HERC2: variants seen among roughly 807,000 people sequenced by gnomAD.
HERC2 encodes HECT and RLD domain containing E3 ubiquitin protein ligase 2.
Under a neutral mutation model 537.7 loss-of-function variants are expected in HERC2, and 102 were observed. The observed-to-expected ratio is 0.19, with a 90% CI of 0.16 to 0.22. HERC2 has a LOEUF of 0.22. HERC2 is among the 10% of genes least tolerant of loss of function. HERC2 has a pLI of 1.00. For missense variants in HERC2, 4,236 were observed against 6,198.2 expected (o/e 0.68, Z 10.63); for synonymous variants, 2,224 against 2,466.2 (o/e 0.90, Z 2.91).
At chr15:28,200,317 C>A (rs373839310) in intron 48 of HERC2, among the ~76,000 whole-genome samples, 14 of 152,276 alleles carry the variant, frequency 9.2e-5, no homozygotes, top group South Asian at 6.2e-4. Context: ...ATGGCATGAA[C>A]CCGGGAGGCG....
At chr15:28,186,020 G>C (rs1896275089) in intron 56 of HERC2, among the ~76,000 whole-genome samples, 1 of 152,162 alleles carries the variant, frequency 6.6e-6, no homozygotes, top group Admixed American at 6.5e-5. Context: ...ACAGTCATAA[G>C]ATGAAATACT....
In HERC2 at chr15:28,141,780, C is replaced by A; in HGVS notation, c.11767G>T (p.Asp3923Tyr). 1 of 1,614,192 alleles carries A rather than the reference C, an allele frequency of 6.2e-7. No individual in the cohort carries two copies. Among genetic ancestry groups the A allele is most frequent in the Non-Finnish European group, 8.5e-7 (1 of 1,180,034 alleles). Reference sequence around the variant, plus strand: ...TCGTCTTGCTCTCTTTTAAAAATGTCATGGCTCTCATGCAGAACATCCATG... The same window carrying A: ...TCGTCTTGCTCTCTTTTAAAAATGTAATGGCTCTCATGCAGAACATCCATG... ...ENMDVLHESH[D>Y]IFKREQDEQL... Residue 3923 changes from aspartate (D) to tyrosine (Y), a missense_variant, in exon 77 of 93, where the codon GAC becomes TAC. Asp to Tyr is a radical substitution (Grantham distance 160, BLOSUM62 -3). This residue lies in a region of HERC2 where 156 missense variants were observed against 172.3 expected (regional missense o/e 0.91). Transcript: ENST00000261609.
intron 70 of HERC2, among the ~76,000 whole-genome samples, chr15:28,149,735 A>G (rs1892205923): frequency 6.6e-6 from 1 of 152,086 alleles, no homozygotes; most frequent in African/African-American, 2.4e-5. Context: ...AAAATTACCG[A>G]AAAAACACAC....
At position 28,233,481 on chromosome 15, in the gene HERC2, C is replaced by T. The variant is rs1440885030; in HGVS notation, c.4432G>A (p.Val1478Met). 3 of 1,474,134 alleles carry T rather than the reference C, an allele frequency of 2.0e-6. No homozygotes were observed. Among genetic ancestry groups the T allele is most frequent in the African/African-American group, 1.4e-5 (1 of 71,836 alleles). The allele number at this position is 1,474,134 out of a possible 1,614,324, so 91.3% of individuals were successfully genotyped here. The change falls in exon 29 of 93, where the codon GTG becomes ATG. Residue 1478 changes from valine to methionine, a missense_variant. By Grantham distance (21) the Val-to-Met change is conservative (BLOSUM62 1). Around this residue, in one of 27 missense-constraint regions of HERC2, gnomAD observed 94 missense variants for 174.9 expected, o/e 0.54. Transcript: ENST00000261609. ...VKHRTLPKSV[V>M]DVCRVVYQAK... ...TGGTAGACAACTCTACAAACATCCA[C>T]CACTGACTTAGGCAACGTTCTGTGC...
chr15:28,157,337 A>G (rs1893112060), intron 69 of HERC2, among the ~76,000 whole-genome samples: 1 of 152,124 alleles, frequency 6.6e-6, no homozygotes, highest in African/African-American at 2.4e-5. Context: ...TCCTCTTTGT[A>G]CCTCTGACAG....
At chr15:28,150,762 A>G (rs1892368346) in intron 70 of HERC2, among the ~76,000 whole-genome samples, 1 of 152,200 alleles carries the variant, frequency 6.6e-6, no homozygotes. Flanking sequence ...ACACGAACGT[A>G]TATTCTAGTA....
Position 28,255,907 on chromosome 15 carries a change from A to C in HERC2, c.2836T>G (p.Ser946Ala), listed in dbSNP as rs1000008637. 6.2e-7 allele frequency: 1 copy of C among 1,602,406 alleles called. No homozygotes were observed. The highest frequency in any genetic ancestry group is 8.5e-7 in the Non-Finnish European group (1 of 1,179,804). ...GSLMADGGLE[S>A]ALHAAITAEI... ...GCAGTAATGGCTGCGTGTAAGGCTG[A>C]CTCCAACCCTCCATCAGCCATCAAG... The change falls in exon 19 of 93, where the codon TCA becomes GCA. Residue 946 changes from serine to alanine, a missense_variant. Transcript: ENST00000261609.
In HERC2 at chr15:28,233,090, T is replaced by C. The variant is rs2905961; in HGVS notation, c.4675+56A>G. The C allele has an allele frequency of 5.7e-5, 76 of 1,344,762 alleles. No homozygotes were observed. The East Asian group carries it at 8.0e-4, about 14-fold the overall frequency. 83.3% of individuals were successfully genotyped at this position (1,344,762 alleles called of 1,614,324 possible). ...CTTCACTCTGAAATCACAGATCCAATGTGGCAGGGTGAAGCACAAGCTTTA... is the reference window on the plus strand; with the variant it reads ...CTTCACTCTGAAATCACAGATCCAACGTGGCAGGGTGAAGCACAAGCTTTA... On this transcript the variant is annotated intron_variant, in intron 30 of 92. Transcript: ENST00000261609.
chr15:28,300,451 A>T (rs1477799338), intron 2 of HERC2, among the ~76,000 whole-genome samples: 1 of 150,828 alleles, frequency 6.6e-6, no homozygotes, highest in Non-Finnish European at 1.5e-5. Context: ...ACAATTTTAG[A>T]ACTACTTCAT....
intron 5 of HERC2, among the ~76,000 whole-genome samples, chr15:28,278,831 G>C (rs1342927241): frequency 6.6e-6 from 1 of 151,816 alleles, no homozygotes; most frequent in African/African-American, 2.4e-5. Flanking sequence ...AGTTTCATCT[G>C]GCAGTCTTGT....
At chr15:28,269,204 G>A (rs1443830767) in intron 11 of HERC2, 44 bp downstream of exon 11, 4 of 1,533,672 alleles carry the variant, frequency 2.6e-6, no homozygotes, top group African/African-American at 1.4e-5. Context: ...GACAGACCCT[G>A]CCCCGCAAGG....
chr15:28,201,845 T>C (rs1897941085), intron 47 of HERC2, among the ~76,000 whole-genome samples: 3 of 152,276 alleles, frequency 2.0e-5, no homozygotes, highest in Non-Finnish European at 4.4e-5. Context: ...ATAAAATATC[T>C]TCTAATGGCT....
At chr15:28,253,464 C>T (rs957840696) in intron 20 of HERC2, among the ~76,000 whole-genome samples, 25 of 152,230 alleles carry the variant, frequency 1.6e-4, no homozygotes, top group Admixed American at 8.5e-4. Flanking sequence ...TTACTGCACA[C>T]CGCAATTTCT....
Position 28,200,621 on chromosome 15 carries a change from A to G in HERC2, c.7716+835T>C, listed in dbSNP as rs563565789. ...AATAGACGTCAAAGATCCATCAACC[A>G]AATGTAGATAAGGCATACAATCTTG... On this transcript the variant is annotated intron_variant, in intron 48 of 92. Transcript: ENST00000261609. Among the ~76,000 whole-genome samples, 8 of 152,362 alleles carry G rather than the reference A, an allele frequency of 5.3e-5. No homozygotes were observed. In the East Asian group the frequency reaches 1.5e-3, roughly 29 times the overall value.
intron 45 of HERC2, among the ~76,000 whole-genome samples, chr15:28,204,192 G>C (rs1325892741): frequency 6.6e-6 from 1 of 152,088 alleles, no homozygotes; most frequent in Non-Finnish European, 1.5e-5. Context: ...ATATGTGAAG[G>C]ACAACAACCA....
In HERC2 at chr15:28,175,685, C is replaced by G. The variant is rs747252223; in HGVS notation, c.9687-29G>C. 6 of 1,612,994 alleles carry G rather than the reference C, an allele frequency of 3.7e-6. No homozygotes were observed. In the Admixed American group the frequency reaches 1.0e-4, roughly 27 times the overall value. ...AGAGAAGGCCCATGGTGGAGAGTTA[C>G]AATACGGTTATGGTCTGACAATGCT... On this transcript the variant is annotated intron_variant, in intron 63 of 92. Transcript: ENST00000261609.
rs1899362353 is a variant in HERC2, at chr15:28,212,495, C to A, written c.6875G>T (p.Ser2292Ile). Reference protein sequence around the residue: ...VWAQLVNLAGSKLEKHKIKKS... With the variant: ...VWAQLVNLAGIKLEKHKIKKS... ...CTTTATTTTGTGCTTTTCTAACTTG[C>A]TTCCAGCGAGGTTCACCAACTGAGC... Residue 2292 changes from serine (S) to isoleucine (I), a missense_variant, in exon 43 of 93, where the codon AGC (serine) becomes ATC (isoleucine). Around this residue, in one of 27 missense-constraint regions of HERC2, gnomAD observed 67 missense variants for 140.1 expected, o/e 0.48. Transcript: ENST00000261609. 6.3e-7 allele frequency: 1 copy of A among 1,597,280 alleles called. No individual in the cohort carries two copies. Among genetic ancestry groups the A allele is most frequent in the African/African-American group, 1.3e-5 (1 of 74,586 alleles).
intron 70 of HERC2, among the ~76,000 whole-genome samples, chr15:28,147,897 T>C (rs1290012898): frequency 6.6e-6 from 1 of 150,920 alleles, no homozygotes; most frequent in African/African-American, 2.4e-5. Flanking sequence ...GTTAGCCAAG[T>C]GTGGCAGCAC....
chr15:28,286,386 T>G (rs1351411618), intron 4 of HERC2, among the ~76,000 whole-genome samples: 1 of 152,026 alleles, frequency 6.6e-6, no homozygotes, highest in Non-Finnish European at 1.5e-5. Context: ...GCAAGTAGAA[T>G]TAAACAATAT....
Sources: gnomAD v4.1 joint callset for allele counts (sites outside exome capture counted in the v4.1 genomes callset) on GRCh38, gnomAD v4.1.1 for gene constraint, gnomAD v4.1.1 regional missense constraint, MANE v1.5 for transcripts, NCBI Gene and HGNC (gene_info 2026-07-23, HGNC 2026-07-21) for gene names.